The following CDH13 variants were observed in gnomAD, a reference collection of about 807,000 sequenced individuals.
The protein encoded by CDH13 is cadherin-13.
CDH13 carries 24 observed loss-of-function variants against 63.8 expected under a neutral mutation model. That is an observed-to-expected ratio of 0.38 (90% CI 0.27 to 0.53). The LOEUF (loss-of-function observed/expected upper bound fraction) is 0.53, where lower values mean the gene tolerates loss of function less well. CDH13 is among the 20% of genes least tolerant of loss of function. The probability of loss-of-function intolerance (pLI) is 0.85; values close to 1 mark genes in which losing one functional copy is unlikely to be tolerated. For missense variants in CDH13, 1,049 were observed against 903.1 expected, an observed-to-expected ratio of 1.16 and a Z score of -2.07; for synonymous variants, 503 against 355.3, an observed-to-expected ratio of 1.42 and a Z score of -4.67.
chr16:82,810,260 G>A (rs2037375511), intron 1 of CDH13, among the ~76,000 whole-genome samples: 1 of 152,166 alleles, frequency 6.6e-6, no homozygotes, highest in Non-Finnish European at 1.5e-5. Flanking sequence ...GAATGGGTGA[G>A]GACCTAGGAC....
intron 8 of CDH13, among the ~76,000 whole-genome samples, chr16:83,616,614 C>A (rs1567807369): frequency 2.6e-5 from 4 of 152,042 alleles, no homozygotes; most frequent in Non-Finnish European, 5.9e-5. Context: ...AAAACATCTA[C>A]TTTTTTAACT....
At chr16:82,806,820 G>A (rs2037167689) in intron 1 of CDH13, among the ~76,000 whole-genome samples, 1 of 152,096 alleles carries the variant, frequency 6.6e-6, no homozygotes, top group South Asian at 2.1e-4. Context: ...GAGAAACAAG[G>A]CTTTCATTCT....
At chr16:82,752,664 G>A (rs530971745) in intron 1 of CDH13, among the ~76,000 whole-genome samples, 1 of 152,240 alleles carries the variant, frequency 6.6e-6, no homozygotes, top group South Asian at 2.1e-4. Context: ...GGATGCAGGA[G>A]CAGGAAATTG....
At chr16:82,726,481 CT>C (rs1290891064) in intron 1 of CDH13, among the ~76,000 whole-genome samples, 6 of 152,204 alleles carry the variant, frequency 3.9e-5, no homozygotes, top group Non-Finnish European at 8.8e-5. Flanking sequence ...AAAAACCATT[CT>C]TTTCTCATGA....
intron 6 of CDH13, among the ~76,000 whole-genome samples, chr16:83,401,568 C>T (rs530350462): frequency 1.3e-5 from 2 of 151,894 alleles, no homozygotes; most frequent in South Asian, 4.2e-4. Flanking sequence ...CTCAGCATGC[C>T]CTTTATGAAC....
intron 7 of CDH13, among the ~76,000 whole-genome samples, chr16:83,579,655 C>T (rs915480762): frequency 9.2e-5 from 14 of 152,060 alleles, no homozygotes; most frequent in African/African-American, 2.7e-4. Context: ...AAATCCAAAC[C>T]GTATCAATCA....
chr16:82,649,101 G>A (rs183483228), intron 1 of CDH13, among the ~76,000 whole-genome samples: 6 of 152,312 alleles, frequency 3.9e-5, no homozygotes, highest in African/African-American at 9.6e-5. Context: ...GAGTGAGCGC[G>A]CACCGGCTTT....
chr16:83,340,588 C>T (rs1037987436), intron 5 of CDH13, among the ~76,000 whole-genome samples: 5 of 152,144 alleles, frequency 3.3e-5, no homozygotes, highest in African/African-American at 9.7e-5. Flanking sequence ...TAATGTGCAC[C>T]CGAATTCTCT....
At chr16:83,552,222 G>A (rs1161768106) in intron 7 of CDH13, among the ~76,000 whole-genome samples, 2 of 152,146 alleles carry the variant, frequency 1.3e-5, no homozygotes, top group African/African-American at 4.8e-5. Context: ...GACCTAGTTG[G>A]GCGTATTCTC....
intron 4 of CDH13, among the ~76,000 whole-genome samples, chr16:83,152,936 C>G (rs1188254069): frequency 6.6e-6 from 1 of 152,042 alleles, no homozygotes; most frequent in African/African-American, 2.4e-5. Context: ...AGCAGGAAAG[C>G]AGAGATTGGG....
At chr16:83,793,026 G>A (rs1348204339) in intron 13 of CDH13, among the ~76,000 whole-genome samples, 8 of 152,198 alleles carry the variant, frequency 5.3e-5, no homozygotes, top group Admixed American at 3.3e-4. Flanking sequence ...GGCAGGACTA[G>A]GGTATCAGTA....
intron 3 of CDH13, among the ~76,000 whole-genome samples, chr16:83,085,785 A>G (rs555239259): frequency 8.5e-5 from 13 of 152,358 alleles, no homozygotes; most frequent in Middle Eastern, 6.8e-3. Context: ...TCTTGCTGAC[A>G]GAACTTCTCA....
chr16:83,077,162 CTTTTCTTTTCTTTT>C (rs2032899417), intron 3 of CDH13, among the ~76,000 whole-genome samples: 3 of 96,352 alleles, frequency 3.1e-5, no homozygotes, highest in Admixed American at 2.0e-4. Flanking sequence ...CTTTTTCTTT[CTTTTCTTTTCTTTT>C]TTTTCTTTTC....
chr16:83,729,180 C>A (rs11149600), intron 10 of CDH13, among the ~76,000 whole-genome samples: 28,115 of 152,040 alleles, frequency 0.18, 2,646 homozygotes, highest in Middle Eastern at 0.22. Flanking sequence ...GGGGGAACAG[C>A]AACAAATGTT....
chr16:83,239,224 C>T (rs1904294055), intron 5 of CDH13, among the ~76,000 whole-genome samples: 1 of 152,164 alleles, frequency 6.6e-6, no homozygotes, highest in African/African-American at 2.4e-5. Context: ...TATAAGTTAT[C>T]ACTGCAGAGG....
intron 5 of CDH13, among the ~76,000 whole-genome samples, chr16:83,304,998 C>T (rs1391654010): frequency 1.3e-5 from 2 of 152,186 alleles, no homozygotes; most frequent in Non-Finnish European, 2.9e-5. Context: ...TGTGTAATTG[C>T]AATGAGCCAT....
intron 6 of CDH13, among the ~76,000 whole-genome samples, chr16:83,353,407 G>C (rs1304434452): frequency 6.6e-6 from 1 of 151,930 alleles, no homozygotes; most frequent in Non-Finnish European, 1.5e-5. Context: ...GGCCCGCCCT[G>C]ATGGGCACCA....
chr16:82,656,115 A>C (rs1052829547), intron 1 of CDH13, among the ~76,000 whole-genome samples: 3 of 152,234 alleles, frequency 2.0e-5, no homozygotes, highest in African/African-American at 7.2e-5. Context: ...GGACAGAGTT[A>C]TCAGTGAAAA....
chr16:83,167,441 A>G (rs1018104944), intron 4 of CDH13, among the ~76,000 whole-genome samples: 2 of 147,336 alleles, frequency 1.4e-5, no homozygotes, highest in African/African-American at 5.0e-5. Context: ...CAGAAGTTGC[A>G]GTGAGCTGAG....
Sources: allele counts gnomAD v4.1 joint callset (sites outside exome capture counted in the v4.1 genomes callset), GRCh38; gene constraint gnomAD v4.1.1; transcripts MANE v1.5; gene names NCBI Gene and HGNC (gene_info 2026-07-23, HGNC 2026-07-21).